CDC42BPA: variants seen among roughly 807,000 people sequenced by gnomAD.
CDC42BPA encodes serine/threonine-protein kinase MRCK alpha.
CDC42BPA carries 80 observed loss-of-function variants against 223.5 expected under a neutral mutation model. The observed-to-expected ratio is 0.36, with a 90% CI of 0.30 to 0.43. The LOEUF is 0.43. CDC42BPA is among the 20% of genes least tolerant of loss of function. The probability of loss-of-function intolerance (pLI) is 1.00; values close to 1 mark genes in which losing one functional copy is unlikely to be tolerated. For synonymous variants in CDC42BPA, 694 were observed against 718.6 expected, an observed-to-expected ratio of 0.97 and a Z score of 0.55; for missense variants, 1,743 against 2,099.9, an observed-to-expected ratio of 0.83 and a Z score of 3.32.
At chr1:227,078,296 A>C (rs1221385365) in intron 17 of CDC42BPA, among the ~76,000 whole-genome samples, 1 of 152,146 alleles carries the variant, frequency 6.6e-6, no homozygotes, top group African/African-American at 2.4e-5. Context: ...GTATCTATTC[A>C]ATATGTAAGG....
intron 5 of CDC42BPA, chr1:227,180,681 C>G (rs139346897): frequency 6.6e-6 from 1 of 152,182 alleles, no homozygotes; most frequent in Non-Finnish European, 1.5e-5. Context: ...AAATTATCTA[C>G]GTAGTGCTGA....
intron 1 of CDC42BPA, among the ~76,000 whole-genome samples, chr1:227,312,842 C>T (rs1693755199): frequency 1.3e-5 from 2 of 152,176 alleles, no homozygotes; most frequent in African/African-American, 4.8e-5. Flanking sequence ...TGTTTAAAAG[C>T]GTGTAGCATC....
In CDC42BPA at chr1:227,011,501, C is replaced by CT. The variant is rs1665197133; in HGVS notation, c.4857+4578dup. Among the ~76,000 whole-genome samples the CT allele has an allele frequency of 2.0e-5, 3 of 152,200 alleles. No homozygotes were observed. The South Asian group carries it at 6.2e-4, about 32-fold the overall frequency. ...GTTATGAAACTGTTTCTTTAGAAAT[C>CT]TAAAACCATGTAAAAGCATTCCCTG... On this transcript the variant is annotated intron_variant, in intron 34 of 36. Coordinates refer to ENST00000366766, the MANE Select transcript of CDC42BPA (RefSeq NM_001394014.1).
At chr1:227,034,274 T>C (rs1013631957) in intron 26 of CDC42BPA, among the ~76,000 whole-genome samples, 1 of 152,204 alleles carries the variant, frequency 6.6e-6, no homozygotes, top group Non-Finnish European at 1.5e-5. Flanking sequence ...CTTACTTAAA[T>C]GTTTACTGAT....
intron 35 of CDC42BPA, among the ~76,000 whole-genome samples, chr1:227,001,707 GAGC>G (rs1046225652): frequency 2.3e-4 from 35 of 152,020 alleles, no homozygotes; most frequent in African/African-American, 8.4e-4. Flanking sequence ...GGGAGTTCAA[GAGC>G]AGCCTGGCCA....
chr1:227,230,185 T>C (rs953606866), intron 2 of CDC42BPA, among the ~76,000 whole-genome samples: 6 of 152,212 alleles, frequency 3.9e-5, no homozygotes, highest in African/African-American at 2.4e-5. Context: ...AAGAGAAAGG[T>C]AGGGCTGAAT....
At chr1:227,074,518 T>A (rs1401951892) in intron 17 of CDC42BPA, among the ~76,000 whole-genome samples, 154 bp from the exon 18 acceptor site, 3 of 152,208 alleles carry the variant, frequency 2.0e-5, no homozygotes, top group Non-Finnish European at 4.4e-5. Context: ...ATACTACCTG[T>A]CAACAACTGG....
At chr1:227,081,880 A>G (rs1680737136) in intron 16 of CDC42BPA, among the ~76,000 whole-genome samples, 1 of 152,222 alleles carries the variant, frequency 6.6e-6, no homozygotes, top group Admixed American at 6.5e-5. Flanking sequence ...TTTAAAATAT[A>G]ACCACGATAG....
intron 12 of CDC42BPA, among the ~76,000 whole-genome samples, chr1:227,114,984 T>TCAA (rs1045425931): frequency 4.5e-4 from 69 of 152,116 alleles, no homozygotes; most frequent in African/African-American, 1.5e-3. Context: ...AACTAAAATG[T>TCAA]CAACAACAAC....
intron 1 of CDC42BPA, among the ~76,000 whole-genome samples, chr1:227,305,970 A>C (rs1692463801): frequency 6.6e-6 from 1 of 152,210 alleles, no homozygotes; most frequent in African/African-American, 2.4e-5. Context: ...CATCTCAAAA[A>C]ACTAAATAAA....
chr1:227,264,859 TG>T (rs1558904219), intron 1 of CDC42BPA: 19 of 1,532,522 alleles, frequency 1.2e-5, no homozygotes, highest in Non-Finnish European at 1.7e-5. Context: ...CAGGTAAGTC[TG>T]GAACTGGACC....
At chr1:227,001,820 T>C (rs888311268) in intron 35 of CDC42BPA, among the ~76,000 whole-genome samples, 11 of 152,000 alleles carry the variant, frequency 7.2e-5, no homozygotes, top group East Asian at 1.9e-4. Flanking sequence ...GGCAGGAGAA[T>C]TGCTTGAACC....
chr1:227,232,759 A>T (rs1239941782), intron 2 of CDC42BPA, among the ~76,000 whole-genome samples: 1 of 152,136 alleles, frequency 6.6e-6, no homozygotes, highest in Non-Finnish European at 1.5e-5. Flanking sequence ...TTGCTGTCTG[A>T]TCCTTCTTCT....
chr1:227,147,675 G>A (rs1660936130), intron 6 of CDC42BPA, 116 bp from the exon 7 acceptor site: 1 of 542,844 alleles, frequency 1.8e-6, no homozygotes, highest in African/African-American at 1.9e-5. Flanking sequence ...GTCATTATCT[G>A]AAAAATAATA....
At chr1:227,242,045 A>G (rs1680112259) in intron 2 of CDC42BPA, among the ~76,000 whole-genome samples, 1 of 152,184 alleles carries the variant, frequency 6.6e-6, no homozygotes, top group Non-Finnish European at 1.5e-5. Context: ...AAACAAAAAA[A>G]TTATAAACAA....
At chr1:227,155,677 C>A (rs192113789) in intron 6 of CDC42BPA, among the ~76,000 whole-genome samples, 139 of 152,058 alleles carry the variant, frequency 9.1e-4, no homozygotes, top group African/African-American at 3.2e-3. Context: ...GACAATTACA[C>A]GGGAAATTAA....
chr1:227,305,412 T>A (rs1007574125), intron 1 of CDC42BPA, among the ~76,000 whole-genome samples: 1 of 152,236 alleles, frequency 6.6e-6, no homozygotes, highest in African/African-American at 2.4e-5. Context: ...CACATTTGTA[T>A]AATGTCTGCA....
At chr1:227,049,571 T>C (rs1029507669) in intron 22 of CDC42BPA, among the ~76,000 whole-genome samples, 2 of 151,860 alleles carry the variant, frequency 1.3e-5, no homozygotes, top group African/African-American at 4.8e-5. Flanking sequence ...AAAAGTAATA[T>C]GAAAAACTAA....
intron 1 of CDC42BPA, among the ~76,000 whole-genome samples, chr1:227,303,685 A>G (rs1185692001): frequency 6.6e-6 from 1 of 152,166 alleles, no homozygotes; most frequent in Admixed American, 6.5e-5. Flanking sequence ...AGCTTTCACC[A>G]CTGCTAATTT....
Sources: gnomAD v4.1 joint callset for allele counts (sites outside exome capture counted in the v4.1 genomes callset) on GRCh38, gnomAD v4.1.1 for gene constraint, MANE v1.5 for transcripts, NCBI Gene and HGNC (gene_info 2026-07-23, HGNC 2026-07-21) for gene names.